Variants in AMZ1 observed in about 807,000 individuals in gnomAD.
AMZ1 encodes archaelysin family metallopeptidase 1.
AMZ1 carries 39 observed loss-of-function variants against 29.9 expected under a neutral mutation model. The ratio of observed to expected loss-of-function variants is 1.30; its 90% CI spans 1.01 to 1.70. AMZ1 has a LOEUF of 1.70. Ranked by LOEUF, AMZ1 falls within the 40% of genes most tolerant of loss-of-function variation. The probability of loss-of-function intolerance (pLI) is 0.00; values close to 1 mark genes in which losing one functional copy is unlikely to be tolerated. For missense variants in AMZ1, 1,041 were observed against 680.6 expected, an observed-to-expected ratio of 1.53 and a Z score of -5.89; for synonymous variants, 458 against 304.0, an observed-to-expected ratio of 1.51 and a Z score of -5.27.
At chr7:2,760,132 G>C (rs527978048), upstream of AMZ1, among the ~76,000 whole-genome samples, 4 of 152,256 alleles carry the variant, frequency 2.6e-5, no homozygotes, top group Non-Finnish European at 5.9e-5. Flanking sequence ...TGGACAAAGA[G>C]AGCCCCACGT....
upstream of AMZ1, among the ~76,000 whole-genome samples, chr7:2,687,902 C>T (rs1378921962): frequency 2.6e-5 from 4 of 152,182 alleles, no homozygotes; most frequent in African/African-American, 9.7e-5. Context: ...TTCACCTCTT[C>T]ACCTGGCGCC....
chr7:2,762,308 A>G (rs1791598233), upstream of AMZ1: 1 of 292,744 alleles, frequency 3.4e-6, no homozygotes. Context: ...TGCACCCACC[A>G]CTCACGCCAG....
At chr7:2,720,666 G>C (rs1789380184), downstream of AMZ1, among the ~76,000 whole-genome samples, 1 of 151,918 alleles carries the variant, frequency 6.6e-6, no homozygotes, top group Non-Finnish European at 1.5e-5. Flanking sequence ...CTCCCAAAAT[G>C]CTGGGATTAT....
At chr7:2,747,782 C>T (rs1049845142) in intron 4 of AMZ1, among the ~76,000 whole-genome samples, 1 of 152,206 alleles carries the variant, frequency 6.6e-6, no homozygotes, top group African/African-American at 2.4e-5. Context: ...ACCCCATCAT[C>T]TCAGCCCAAA....
intron 1 of AMZ1, among the ~76,000 whole-genome samples, chr7:2,691,268 A>G (rs1787371679): frequency 6.8e-6 from 1 of 148,002 alleles, no homozygotes; most frequent in South Asian, 2.1e-4. Context: ...AGCCCCCTCA[A>G]GAGTAGGGGA....
chr7:2,737,284 TTTTTG>T (rs1562394946), intron 4 of AMZ1, among the ~76,000 whole-genome samples: 12,345 of 60,760 alleles, frequency 0.2, 2,237 homozygotes, highest in Non-Finnish European at 0.29. Flanking sequence ...GTTTTTTTTT[TTTTTG>T]TTTTTTTTTT....
At chr7:2,711,595 A>AT (rs952417504) in intron 6 of AMZ1, among the ~76,000 whole-genome samples, 9 of 151,936 alleles carry the variant, frequency 5.9e-5, no homozygotes, top group Admixed American at 2.6e-4. Flanking sequence ...TTTGCTTTAC[A>AT]TTTTTTTCCC....
intron 4 of AMZ1, among the ~76,000 whole-genome samples, chr7:2,732,598 T>A (rs1020562236): frequency 6.6e-6 from 1 of 152,164 alleles, no homozygotes; most frequent in Non-Finnish European, 1.5e-5. Context: ...CCTCCCGTGA[T>A]GAGTGCACAC....
chr7:2,751,356 A>G (rs1401670280), intron 4 of AMZ1, among the ~76,000 whole-genome samples: 1 of 151,840 alleles, frequency 6.6e-6, no homozygotes, highest in African/African-American at 2.4e-5. Context: ...GCACCACTGC[A>G]ATCCAGTATA....
intron 1 of AMZ1, among the ~76,000 whole-genome samples, chr7:2,690,176 C>T (rs1465911886): frequency 6.6e-6 from 1 of 152,100 alleles, no homozygotes; most frequent in African/African-American, 2.4e-5. Context: ...CTCCAGTCTG[C>T]ACTAGGAGGT....
chr7:2,697,710 C>T (rs1787827625), intron 1 of AMZ1, among the ~76,000 whole-genome samples: 1 of 152,174 alleles, frequency 6.6e-6, no homozygotes, highest in Non-Finnish European at 1.5e-5. Flanking sequence ...CAGGTGTGAG[C>T]CACCACACTC....
chr7:2,720,217 G>A (rs1348029134), downstream of AMZ1, among the ~76,000 whole-genome samples: 1 of 152,080 alleles, frequency 6.6e-6, no homozygotes, highest in Admixed American at 6.6e-5. Flanking sequence ...ATCTACCCAC[G>A]CGGACGCCCA....
At chr7:2,681,936 T>TG (rs11394053) in intron 1 of AMZ1, among the ~76,000 whole-genome samples, 152,306 of 152,306 alleles carry the variant, frequency 1, 76,153 homozygotes, top group Non-Finnish European at 1. Context: ...CCCCCAGCCT[T>TG]GCTGAGCCCA....
intron 3 of AMZ1, among the ~76,000 whole-genome samples, chr7:2,707,259 A>G (rs756563847): frequency 2.1e-5 from 3 of 145,334 alleles, no homozygotes; most frequent in Non-Finnish European, 4.6e-5. Flanking sequence ...CCTGGGCAAC[A>G]AAGCAACACT....
chr7:2,708,495 C>A, intron 3 of AMZ1, 93 bp from the exon 4 acceptor site: 1 of 1,560,556 alleles, frequency 6.4e-7, no homozygotes, highest in South Asian at 1.2e-5. Flanking sequence ...AGGGCCCAGG[C>A]AGAGGAAGAG....
chr7:2,714,992 G>C lies in AMZ1; in HGVS notation c.*2114G>C, dbSNP rs1028981186. 1 of 151,652 alleles carries C rather than the reference G, an allele frequency of 6.6e-6. No individual in the cohort carries two copies. The highest frequency in any genetic ancestry group is 1.5e-5 in the Non-Finnish European group (1 of 67,812). 9.4% of individuals were successfully genotyped at this position (151,652 alleles called of 1,614,324 possible). A position where few individuals can be genotyped will look rare whatever the true frequency, so the allele number is the denominator to read the frequency against. On this transcript the variant is annotated 3_prime_UTR_variant, in exon 7 of 7. Transcript: ENST00000683327. ...CCTTCTCTTTTGCATGGCTTCTAAA[G>C]GGCATGACAGTGACCTGGGAGGTAA...
chr7:2,689,181 G>A (rs1026850509), intron 1 of AMZ1, among the ~76,000 whole-genome samples: 1 of 152,218 alleles, frequency 6.6e-6, no homozygotes, highest in Non-Finnish European at 1.5e-5. Flanking sequence ...GCTGCTGGGA[G>A]GTTTTGCAAA....
At chr7:2,701,358 G>A (rs181836027) in intron 2 of AMZ1, among the ~76,000 whole-genome samples, 93 of 152,316 alleles carry the variant, frequency 6.1e-4, no homozygotes, top group Middle Eastern at 3.4e-3. Flanking sequence ...TGGTAGGGAC[G>A]GGACTGGAAC....
chr7:2,679,965 T>C (rs1786825366), intron 1 of AMZ1, among the ~76,000 whole-genome samples: 1 of 152,070 alleles, frequency 6.6e-6, no homozygotes. Context: ...AGGTAGGAAC[T>C]AGGGATGTGA....
Sources: gnomAD v4.1 joint callset for allele counts (sites outside exome capture counted in the v4.1 genomes callset) on GRCh38, gnomAD v4.1.1 for gene constraint, MANE v1.5 for transcripts, NCBI Gene and HGNC (gene_info 2026-07-23, HGNC 2026-07-21) for gene names.